Variants in VTN observed in about 807,000 individuals in gnomAD.
VTN encodes complement S-protein.
VTN carries 45 observed loss-of-function variants against 55.9 expected under a neutral mutation model. That is an observed-to-expected ratio of 0.80 (90% CI 0.63 to 1.03). The LOEUF is 1.03. VTN is among the 50% of genes least tolerant of loss of function. The probability of loss-of-function intolerance (pLI) is 0.00; values close to 1 mark genes in which losing one functional copy is unlikely to be tolerated. For missense variants in VTN, 589 were observed against 638.2 expected, an observed-to-expected ratio of 0.92 and a Z score of 0.83; for synonymous variants, 238 against 242.3, an observed-to-expected ratio of 0.98 and a Z score of 0.17.
chr17:28,368,632 G>A lies in VTN; in HGVS notation c.868C>T (p.Gln290Ter). The A allele has an allele frequency of 7.4e-6, 12 of 1,613,950 alleles. No individual in the cohort carries two copies. Among genetic ancestry groups the A allele is most frequent in the Non-Finnish European group, 1.0e-5 (12 of 1,180,024 alleles). Residue 290 changes from glutamine to a stop codon, truncating the protein, a stop_gained, in exon 6 of 8, where the codon CAG becomes TAG. Transcript: ENST00000226218. LOFTEE classifies it high-confidence loss of function. ...WEYQFQHQPS[Q>*]EECEGSSLSA... ...AGGGAGCTGCCTTCACACTCCTCCT[G>A]ACTGGGCTGGTGCTGGAACTGGTAC...
rs1170754610 is a variant in VTN, at chr17:28,369,217, C to T, written c.669+72G>A. ...GCCCTGGGTCCAGCTTCCCTGTCCA[C>T]CCTGTCCCTGGGAGCAATAGCTCTC... On this transcript the variant is annotated intron_variant, in intron 4 of 7. Transcript: ENST00000226218. This position sits in a 1 kb window ranked among gnomAD's most constrained non-coding sequence, Gnocchi z 5.3. 15 of 1,523,554 alleles carry T rather than the reference C, an allele frequency of 9.8e-6. No individual in the cohort carries two copies. Among genetic ancestry groups the T allele is most frequent in the Non-Finnish European group, 1.1e-5 (12 of 1,135,360 alleles). The allele number at this position is 1,523,554 out of a possible 1,614,324, so 94.4% of individuals were successfully genotyped here.
chr17:28,368,330 A>T (rs1180162769), intron 6 of VTN, among the ~76,000 whole-genome samples, 191 bp downstream of exon 6: 1 of 151,816 alleles, frequency 6.6e-6, no homozygotes, highest in African/African-American at 2.4e-5. Flanking sequence ...TGCTAGGCAA[A>T]GTCCAAGGTG....
In VTN at chr17:28,369,247, C is replaced by T. The variant is rs1555583544; in HGVS notation, c.669+42G>A. ...TCCCTGGGAGCAATAGCTCTCAAAC[C>T]CTCCCTAGATGCTTTCTACCCTGGC... On this transcript the variant is annotated intron_variant, in intron 4 of 7. Coordinates refer to ENST00000226218, the MANE Select transcript of VTN (RefSeq NM_000638.4). This position sits in a 1 kb window ranked among gnomAD's most constrained non-coding sequence, Gnocchi z 5.3. The T allele has an allele frequency of 2.6e-6, 4 of 1,539,354 alleles. No individual in the cohort carries two copies. Among genetic ancestry groups the T allele is most frequent in the Admixed American group, 2.0e-5 (1 of 49,526 alleles).
At chr17:28,368,081 T>A in intron 6 of VTN, 22 bp from the exon 7 acceptor site, 1 of 1,546,996 alleles carries the variant, frequency 6.5e-7, no homozygotes, top group Non-Finnish European at 8.7e-7. Context: ...AAGGGGTGAA[T>A]GAGAGGTCTT....
intron 6 of VTN, 85 bp downstream of exon 6, chr17:28,368,436 G>GC (rs1452533548): frequency 1.9e-6 from 3 of 1,549,104 alleles, no homozygotes; most frequent in Non-Finnish European, 2.6e-6. Context: ...CACAACCACA[G>GC]CCCCCTCCAG....
At position 28,367,963 on chromosome 17, in the gene VTN, A is replaced by G; in HGVS notation, c.1076T>C (p.Met359Thr). 1 of 1,598,946 alleles carries G rather than the reference A, an allele frequency of 6.3e-7. No individual in the cohort carries two copies. The highest frequency in any genetic ancestry group is 8.5e-7 in the Non-Finnish European group (1 of 1,172,892). Residue 359 changes from methionine (M) to threonine (T), a missense_variant, in exon 7 of 8, where the codon ATG becomes ACG. By Grantham distance (81) the Met-to-Thr change is moderately conservative. This residue lies in a region of VTN where 334 missense variants were observed against 328.2 expected (regional missense o/e 1.02). Coordinates refer to ENST00000226218, the MANE Select transcript of VTN (RefSeq NM_000638.4). ...AMAGRIYISG[M>T]APRPSLAKKQ... is the part of the protein sequence containing the mutation. The stretch of plus-strand genomic sequence containing the variant: ...CTTGGCCAAGGAGGGGCGGGGTGCC[A>G]TGCCTGAGATGTAGATGCGGCCAGC...
In VTN at chr17:28,370,021, C is replaced by A; in HGVS notation, c.90G>T (p.Glu30Asp). 6.2e-7 allele frequency: 1 copy of A among 1,614,120 alleles called. No homozygotes were observed. Among genetic ancestry groups the A allele is most frequent in the Non-Finnish European group, 8.5e-7 (1 of 1,180,020 alleles). The change falls in exon 2 of 8, where the codon GAG (glutamate) becomes GAT (aspartate). Residue 30 changes from glutamate to aspartate, a missense_variant. By Grantham distance (45) the Glu-to-Asp change is conservative. Coordinates refer to ENST00000226218, the MANE Select transcript of VTN (RefSeq NM_000638.4). ...DQESCKGRCT[E>D]GFNVDKKCQC... is the part of the protein sequence containing the mutation. ...GGCACTTCTTGTCCACGTTGAAGCC[C>A]TCAGTGCAGCGGCCCTTGCATGACT...
Position 28,369,877 on chromosome 17 carries a change from C to T in VTN, c.185-26G>A. On this transcript the variant is annotated intron_variant, in intron 2 of 7. Coordinates refer to ENST00000226218, the MANE Select transcript of VTN (RefSeq NM_000638.4). The surrounding 1 kb of genome is among the most constrained non-coding windows in gnomAD (Gnocchi z 5.3). ...CTGCAGAGAGTGGATGGTAGTGAGT[C>T]TCCAGCAGCAGGGGGCACCCCAGCC... The T allele has an allele frequency of 6.2e-7, 1 of 1,612,250 alleles. No homozygotes were observed. Among genetic ancestry groups the T allele is most frequent in the Non-Finnish European group, 8.5e-7 (1 of 1,178,572 alleles).
rs2067935654 is a variant in VTN at position 28,369,620 on chromosome 17, G to A, written c.416C>T (p.Pro139Leu). Residue 139 changes from proline to leucine, a missense_variant, in exon 3 of 8, where the codon CCT (proline) becomes CTT (leucine). By Grantham distance (98) the Pro-to-Leu change is moderately conservative. This residue lies in a region of VTN where 217 missense variants were observed against 241.3 expected (regional missense o/e 0.90). Transcript: ENST00000226218. The surrounding 1 kb of genome is among the most constrained non-coding windows in gnomAD (Gnocchi z 5.3). ...ASKPEGIDSR[P>L]ETLHPGRPQP... ...AGGTCTCCCTGGATGAAGGGTCTCAGGCCTTGAGTCTATCCCCTCAGGCTT... is the reference window on the plus strand; with the variant it reads ...AGGTCTCCCTGGATGAAGGGTCTCAAGCCTTGAGTCTATCCCCTCAGGCTT... The A allele has an allele frequency of 6.2e-7, 1 of 1,613,754 alleles. No homozygotes were observed. The highest frequency in any genetic ancestry group is 8.5e-7 in the Non-Finnish European group (1 of 1,180,028).
Position 28,370,189 on chromosome 17 carries a change from T to G in VTN, c.15A>C (p.Arg5Ser). Reference protein sequence around the residue: MAPLRPLLILALLAW... With the variant: MAPLSPLLILALLAW... ...CCAGCAGGGCCAGTATGAGAAGGGG[T>G]CTCAGGGGTGCCATGGCAGGGCTTC... Residue 5 changes from arginine (R) to serine (S), a missense_variant, in exon 1 of 8, where the codon AGA (arginine) becomes AGC (serine). Arg to Ser is a moderately radical substitution (Grantham distance 110, BLOSUM62 -1). Around this residue, in one of 3 missense-constraint regions of VTN, gnomAD observed 217 missense variants for 241.3 expected, o/e 0.90. Transcript: ENST00000226218. 1.2e-6 allele frequency: 2 copies of G among 1,612,974 alleles called. No homozygotes were observed. Among genetic ancestry groups the G allele is most frequent in the Non-Finnish European group, 1.7e-6 (2 of 1,179,318 alleles).
At position 28,369,241 on chromosome 17, in the gene VTN, T is replaced by C. The variant is rs1555583543; in HGVS notation, c.669+48A>G. 1 of 1,536,782 alleles carries C rather than the reference T, an allele frequency of 6.5e-7. No individual in the cohort carries two copies. On this transcript the variant is annotated intron_variant, in intron 4 of 7. Coordinates refer to ENST00000226218, the MANE Select transcript of VTN (RefSeq NM_000638.4). The surrounding 1 kb of genome is among the most constrained non-coding windows in gnomAD (Gnocchi z 5.3). The stretch of plus-strand genomic sequence containing the variant: ...ACCCTGTCCCTGGGAGCAATAGCTC[T>C]CAAACCCTCCCTAGATGCTTTCTAC...
In VTN at chr17:28,369,808, C is replaced by T. The variant is rs782122891; in HGVS notation, c.228G>A (p.Thr76=). The change falls in exon 3 of 8, where the codon ACG becomes ACA. Residue 76 remains threonine, a synonymous_variant. Transcript: ENST00000226218. The surrounding 1 kb of genome is among the most constrained non-coding windows in gnomAD (Gnocchi z 5.3). ...TTTTCTCCTCGCCATCGTCATAGAC[C>T]GTGTACTCATCCTCCGGCATAGTGA... ...DVFTMPEDEY[T]VYDDGEEKNN... 1.2e-6 allele frequency: 2 copies of T among 1,613,696 alleles called. No individual in the cohort carries two copies. The highest frequency in any genetic ancestry group is 8.5e-7 in the Non-Finnish European group (1 of 1,179,838).
Position 28,369,161 on chromosome 17 carries a change from T to C in VTN, c.669+128A>G. ...GACCTGGAGTCTTGGGGCTGCCCTG[T>C]GCTCACAGAGCTCCCACCAGGTCCT... On this transcript the variant is annotated intron_variant, in intron 4 of 7. Transcript: ENST00000226218. This position sits in a 1 kb window ranked among gnomAD's most constrained non-coding sequence, Gnocchi z 5.3. 2 of 1,503,620 alleles carry C rather than the reference T, an allele frequency of 1.3e-6. No individual in the cohort carries two copies. The highest frequency in any genetic ancestry group is 2.3e-5 in the East Asian group (1 of 43,834). 93.1% of individuals were successfully genotyped at this position (1,503,620 alleles called of 1,614,324 possible).
At chr17:28,368,092 G>C in intron 6 of VTN, 33 bp from the exon 7 acceptor site, 1 of 1,526,422 alleles carries the variant, frequency 6.6e-7, no homozygotes, top group Non-Finnish European at 8.8e-7. Context: ...GAGAGGTCTT[G>C]GGGGTCCGAA....
intron 6 of VTN, 112 bp from the exon 7 acceptor site, chr17:28,368,171 A>G: frequency 1.1e-6 from 1 of 951,140 alleles, no homozygotes; most frequent in Non-Finnish European, 1.5e-6. Context: ...ACAGCAGCGA[A>G]TGGCAGAGCC....
chr17:28,368,595 AAC>A lies in VTN; in HGVS notation c.903_904del (p.Phe302Ter), dbSNP rs782039016. 1.1e-5 allele frequency: 17 copies of A among 1,613,904 alleles called. No individual in the cohort carries two copies. The Admixed American group carries it at 2.3e-4, about 22-fold the overall frequency. On this transcript the variant is annotated frameshift_variant, in exon 6 of 8. Coordinates refer to ENST00000226218, the MANE Select transcript of VTN (RefSeq NM_000638.4). LOFTEE classifies it high-confidence loss of function. ...CCGCTGCATCATGGCAAAGTGTTCA[AAC>A]ACAGCCGACAGGGAGCTGCCTTCAC... is the stretch of plus-strand genomic sequence containing the variant.
chr17:28,369,887 AG>A lies in VTN; in HGVS notation c.185-37del. ...TGGATGGTAGTGAGTCTCCAGCAGC[AG>A]GGGGCACCCCAGCCCACCCACCTGG... On this transcript the variant is annotated intron_variant, in intron 2 of 7. Transcript: ENST00000226218. This position sits in a 1 kb window ranked among gnomAD's most constrained non-coding sequence, Gnocchi z 5.3. 1 of 1,612,340 alleles carries A rather than the reference AG, an allele frequency of 6.2e-7. No individual in the cohort carries two copies. The highest frequency in any genetic ancestry group is 8.5e-7 in the Non-Finnish European group (1 of 1,178,726).
chr17:28,368,784 C>T, intron 5 of VTN, 88 bp downstream of exon 5: 1 of 1,610,186 alleles, frequency 6.2e-7, no homozygotes. Context: ...CAGGGGTGGG[C>T]ACATGCTGAG....
At position 28,369,190 on chromosome 17, in the gene VTN, G is replaced by A. The variant is rs890683616; in HGVS notation, c.669+99C>T. The stretch of plus-strand genomic sequence containing the variant: ...CACAGAGCTCCCACCAGGTCCTGCA[G>A]GGCCCTGGGTCCAGCTTCCCTGTCC... On this transcript the variant is annotated intron_variant, in intron 4 of 7. Coordinates refer to ENST00000226218, the MANE Select transcript of VTN (RefSeq NM_000638.4). This position sits in a 1 kb window ranked among gnomAD's most constrained non-coding sequence, Gnocchi z 5.3. The A allele has an allele frequency of 2.5e-5, 37 of 1,508,218 alleles. No individual in the cohort carries two copies. In the African/African-American group the frequency reaches 3.9e-4, roughly 16 times the overall value. The allele number at this position is 1,508,218 out of a possible 1,614,324, so 93.4% of individuals were successfully genotyped here.
Sources: gnomAD v4.1 joint callset for allele counts (sites outside exome capture counted in the v4.1 genomes callset) on GRCh38, gnomAD v4.1.1 for gene constraint, gnomAD v4.1.1 regional missense constraint, Gnocchi (gnomAD v3.1) non-coding constraint, MANE v1.5 for transcripts, NCBI Gene and HGNC (gene_info 2026-07-23, HGNC 2026-07-21) for gene names.